Variants in FIGN observed in about 807,000 individuals in gnomAD.
FIGN encodes fidgetin.
Under a neutral mutation model 51.3 loss-of-function variants are expected in FIGN, and 11 were observed. The observed-to-expected ratio is 0.21, with a 90% CI of 0.13 to 0.35. The LOEUF (loss-of-function observed/expected upper bound fraction) is 0.35. Ranked by LOEUF, FIGN falls within the 10% of genes least tolerant of loss-of-function variation. FIGN has a pLI of 1.00. For synonymous variants in FIGN, 407 were observed against 363.2 expected, an observed-to-expected ratio of 1.12 and a Z score of -1.37; for missense variants, 857 against 943.6, an observed-to-expected ratio of 0.91 and a Z score of 1.20.
intron 2 of FIGN, among the ~76,000 whole-genome samples, chr2:163,683,813 G>C (rs542520285): frequency 7.2e-5 from 11 of 152,118 alleles, no homozygotes; most frequent in African/African-American, 2.7e-4. Flanking sequence ...GGGAGTAATG[G>C]CAGGCCTAGA....
intron 2 of FIGN, among the ~76,000 whole-genome samples, chr2:163,667,298 G>A (rs1450552188): frequency 6.7e-6 from 1 of 148,178 alleles, no homozygotes; most frequent in Non-Finnish European, 1.5e-5. Flanking sequence ...TGGCCTAACT[G>A]GTTTCCTTTC....
At chr2:163,622,188 A>C (rs1682984169) in intron 2 of FIGN, among the ~76,000 whole-genome samples, 1 of 152,068 alleles carries the variant, frequency 6.6e-6, no homozygotes, top group African/African-American at 2.4e-5. Context: ...TCTTTACAAA[A>C]ATTAGCTGGG....
chr2:163,725,902 T>C (rs1684831128), intron 2 of FIGN, among the ~76,000 whole-genome samples: 1 of 152,136 alleles, frequency 6.6e-6, no homozygotes, highest in South Asian at 2.1e-4. Flanking sequence ...ATTTTGCTTA[T>C]GTGTAATTTT....
chr2:163,614,872 T>C (rs1342419031), intron 2 of FIGN, among the ~76,000 whole-genome samples: 1 of 152,118 alleles, frequency 6.6e-6, no homozygotes, highest in Non-Finnish European at 1.5e-5. Context: ...GCTTAAGTAA[T>C]GTTTTCTTGT....
rs1159446510 is a variant in FIGN, at chr2:163,602,766, T to C, written c.*6786A>G. On this transcript the variant is annotated 3_prime_UTR_variant, in exon 3 of 3. Coordinates refer to ENST00000333129, the MANE Select transcript of FIGN (RefSeq NM_018086.4). ...ACATTTTTAATTCTTCAATGGTTAC[T>C]ACTGAAACTAGTTATTCTATATGAA... 1 of 152,108 alleles carries C rather than the reference T, an allele frequency of 6.6e-6. No individual in the cohort carries two copies. The highest frequency in any genetic ancestry group is 1.5e-5 in the Non-Finnish European group (1 of 67,984). The allele number at this position is 152,108 out of a possible 1,614,324, so 9.4% of individuals were successfully genotyped here.
intron 2 of FIGN, among the ~76,000 whole-genome samples, chr2:163,705,631 A>AT (rs1360275141): frequency 6.6e-6 from 1 of 151,498 alleles, no homozygotes; most frequent in Admixed American, 6.6e-5. Context: ...TATATTGTTT[A>AT]TTTTTTGTCT....
intron 2 of FIGN, among the ~76,000 whole-genome samples, chr2:163,640,348 C>T (rs1382414368): frequency 2.0e-5 from 3 of 151,930 alleles, no homozygotes; most frequent in Non-Finnish European, 4.4e-5. Flanking sequence ...TTCACAAAAA[C>T]CCTCCTTGGT....
At chr2:163,690,780 T>C (rs973705882) in intron 2 of FIGN, among the ~76,000 whole-genome samples, 9 of 151,922 alleles carry the variant, frequency 5.9e-5, no homozygotes, top group Non-Finnish European at 1.2e-4. Flanking sequence ...AAGAATACAG[T>C]GTTGCTAAGA....
intron 2 of FIGN, among the ~76,000 whole-genome samples, chr2:163,725,675 A>G (rs957395830): frequency 6.6e-6 from 1 of 152,160 alleles, no homozygotes; most frequent in Non-Finnish European, 1.5e-5. Context: ...TAGTTTACCT[A>G]TAAGTTCTTT....
chr2:163,619,585 A>G (rs1682934913), intron 2 of FIGN, among the ~76,000 whole-genome samples: 1 of 152,132 alleles, frequency 6.6e-6, no homozygotes, highest in South Asian at 2.1e-4. Flanking sequence ...GGTGGATAAA[A>G]CTTGATATGC....
chr2:163,656,053 T>C (rs184452668), intron 2 of FIGN, among the ~76,000 whole-genome samples: 1 of 152,308 alleles, frequency 6.6e-6, no homozygotes, highest in Non-Finnish European at 1.5e-5. Context: ...AATAAGTAGG[T>C]TTCCTTTTAC....
At chr2:163,657,181 G>A (rs1167927968) in intron 2 of FIGN, among the ~76,000 whole-genome samples, 1 of 151,436 alleles carries the variant, frequency 6.6e-6, no homozygotes, top group African/African-American at 2.4e-5. Context: ...TGAAGGGAAG[G>A]ACCAAAAAGA....
chr2:163,665,325 C>A (rs1683756510), intron 2 of FIGN, among the ~76,000 whole-genome samples: 1 of 152,232 alleles, frequency 6.6e-6, no homozygotes, highest in Admixed American at 6.5e-5. Flanking sequence ...AGAAAGGACA[C>A]CTTTGTGTCT....
At chr2:163,716,749 A>T (rs112098261) in intron 2 of FIGN, among the ~76,000 whole-genome samples, 7 of 152,338 alleles carry the variant, frequency 4.6e-5, no homozygotes, top group Non-Finnish European at 7.4e-5. Context: ...CCCCTATCAT[A>T]TTCAAAAATT....
intron 2 of FIGN, among the ~76,000 whole-genome samples, chr2:163,676,889 T>A (rs1683981024): frequency 6.6e-6 from 1 of 152,114 alleles, no homozygotes; most frequent in Admixed American, 6.6e-5. Context: ...CAAAAAAGAA[T>A]TAGCACTCAA....
chr2:163,609,664 G>T lies in FIGN; in HGVS notation c.2168C>A (p.Pro723His). The T allele has an allele frequency of 6.2e-7, 1 of 1,614,006 alleles. No homozygotes were observed. The change falls in exon 3 of 3, where the codon CCC becomes CAC. Residue 723 changes from proline (P) to histidine (H), a missense_variant. Pro to His is a moderately conservative substitution (Grantham distance 77, BLOSUM62 -2). Around this residue, in one of 3 missense-constraint regions of FIGN, gnomAD observed 799 missense variants for 849.5 expected, o/e 0.94. Coordinates refer to ENST00000333129, the MANE Select transcript of FIGN (RefSeq NM_018086.4). ...LSAIMPSQLR[P>H]VTYQDFENAF... ...ATTTTCAAAGTCTTGATATGTAACGGGCCTCAACTGGCTGGGCATAATGGC... is the reference window on the plus strand; with the variant it reads ...ATTTTCAAAGTCTTGATATGTAACGTGCCTCAACTGGCTGGGCATAATGGC...
intron 2 of FIGN, among the ~76,000 whole-genome samples, chr2:163,723,613 A>C (rs1223282013): frequency 6.6e-6 from 1 of 152,220 alleles, no homozygotes; most frequent in African/African-American, 2.4e-5. Context: ...GGAAGCAAAA[A>C]GAAGGTGGAC....
chr2:163,685,865 C>T (rs1684140104), intron 2 of FIGN, among the ~76,000 whole-genome samples: 1 of 152,142 alleles, frequency 6.6e-6, no homozygotes, highest in Admixed American at 6.6e-5. Context: ...GTTTCTAGAA[C>T]TGCATTAAAG....
chr2:163,721,949 T>C (rs1684764724), intron 2 of FIGN, among the ~76,000 whole-genome samples: 1 of 152,212 alleles, frequency 6.6e-6, no homozygotes, highest in Admixed American at 6.5e-5. Context: ...TCTTGTCAAA[T>C]ACTGTTGCCT....
Sources: allele counts gnomAD v4.1 joint callset (sites outside exome capture counted in the v4.1 genomes callset), GRCh38; gene constraint gnomAD v4.1.1; regional missense constraint gnomAD v4.1.1; transcripts MANE v1.5; gene names NCBI Gene and HGNC (gene_info 2026-07-23, HGNC 2026-07-21).